Variants in CALN1 observed in about 807,000 individuals in gnomAD.
The protein encoded by CALN1 is calneuron 1.
A neutral mutation model predicts 30.6 loss-of-function variants in CALN1; 17 were observed. That is an observed-to-expected ratio of 0.56 (90% CI 0.38 to 0.83). CALN1 has a LOEUF of 0.83. Among genes scored for constraint, CALN1 ranks in the 40% least tolerant of loss-of-function variants. CALN1 has a pLI of 0.00. For synonymous variants in CALN1, 156 were observed against 131.4 expected, an observed-to-expected ratio of 1.19 and a Z score of -1.28; for missense variants, 291 against 354.9, an observed-to-expected ratio of 0.82 and a Z score of 1.45.
chr7:71,898,018 G>GGAGA (rs1178513997), intron 5 of CALN1, among the ~76,000 whole-genome samples: 14 of 80,948 alleles, frequency 1.7e-4, no homozygotes, highest in South Asian at 5.8e-4. Context: ...GGAGGGGGGG[G>GGAGA]GAGAGAGAGA....
intron 2 of CALN1, among the ~76,000 whole-genome samples, chr7:72,328,116 T>TAAA (rs74501253): frequency 2.7e-4 from 40 of 150,814 alleles, no homozygotes; most frequent in East Asian, 9.7e-4. Context: ...TTTCTTTTTT[T>TAAA]AAAAAAAAAA....
chr7:72,379,758 C>G (rs190594494), intron 2 of CALN1, among the ~76,000 whole-genome samples: 12 of 152,350 alleles, frequency 7.9e-5, no homozygotes, highest in Admixed American at 2.0e-4. Context: ...TTCTATCTGT[C>G]TAATCCATCC....
At chr7:72,402,774 G>C (rs1168062396) in intron 2 of CALN1, among the ~76,000 whole-genome samples, 1 of 152,174 alleles carries the variant, frequency 6.6e-6, no homozygotes, top group African/African-American at 2.4e-5. Flanking sequence ...GTGGGGGATG[G>C]GGTGAGATTC....
intron 2 of CALN1, among the ~76,000 whole-genome samples, chr7:72,302,019 A>AG (rs1360868631): frequency 1.3e-5 from 2 of 152,268 alleles, no homozygotes; most frequent in East Asian, 3.9e-4. Flanking sequence ...GTAATGCTTC[A>AG]GGGAGAGCTG....
chr7:72,011,734 G>A (rs975813434), intron 5 of CALN1, among the ~76,000 whole-genome samples: 1 of 152,122 alleles, frequency 6.6e-6, no homozygotes, highest in Non-Finnish European at 1.5e-5. Flanking sequence ...GGAGTGCAGT[G>A]GCACGATCCT....
chr7:72,472,095 C>T, the CALN1 span, among the ~76,000 whole-genome samples: 1 of 152,164 alleles, frequency 6.6e-6, no homozygotes, highest in African/African-American at 2.4e-5. Context: ...TGCGCCCAGC[C>T]AAGGAGGTCC....
intron 3 of CALN1, among the ~76,000 whole-genome samples, chr7:72,181,112 A>C (rs1585106713): frequency 6.3e-5 from 3 of 47,614 alleles, no homozygotes; most frequent in Admixed American, 4.4e-4. Flanking sequence ...CCCCCCCCCA[A>C]AAAAAAAAAA....
chr7:72,443,762 T>A (rs979452358), intron 1 of CALN1, among the ~76,000 whole-genome samples: 16 of 151,944 alleles, frequency 1.1e-4, no homozygotes, highest in Admixed American at 8.5e-4. Context: ...CTCACGTGGG[T>A]TCCTCCAACC....
chr7:72,012,861 T>A (rs558144441), intron 5 of CALN1, among the ~76,000 whole-genome samples: 1 of 152,298 alleles, frequency 6.6e-6, no homozygotes, highest in African/African-American at 2.4e-5. Context: ...AAGGGCGTGA[T>A]CTTGGCTCAC....
intron 4 of CALN1, among the ~76,000 whole-genome samples, chr7:72,034,940 G>C (rs967007934): frequency 1.4e-4 from 21 of 151,770 alleles, no homozygotes; most frequent in African/African-American, 5.1e-4. Flanking sequence ...GGGAGGTCAA[G>C]GAGAATATAT....
intron 5 of CALN1, among the ~76,000 whole-genome samples, chr7:71,949,918 C>T (rs12699118): frequency 6.6e-6 from 1 of 151,642 alleles, no homozygotes; most frequent in East Asian, 2.0e-4. Context: ...CCTGCCACTA[C>T]GCCTGGCTAA....
At chr7:71,970,275 A>T (rs1797730380) in intron 5 of CALN1, among the ~76,000 whole-genome samples, 1 of 152,150 alleles carries the variant, frequency 6.6e-6, no homozygotes, top group South Asian at 2.1e-4. Context: ...ATCTCCTATA[A>T]AGATTCATTT....
chr7:72,492,824 T>TGCTG, the CALN1 span, among the ~76,000 whole-genome samples: 3 of 152,230 alleles, frequency 2.0e-5, no homozygotes, highest in Non-Finnish European at 4.4e-5. Flanking sequence ...AATGCATCCC[T>TGCTG]GCTGGCACAT....
At chr7:71,903,990 T>C (rs767785138) in intron 5 of CALN1, among the ~76,000 whole-genome samples, 23 of 152,096 alleles carry the variant, frequency 1.5e-4, no homozygotes, top group Non-Finnish European at 3.1e-4. Context: ...AAATCAAAAC[T>C]GTAATGAGAT....
chr7:71,948,730 C>CAA (rs538358463), intron 5 of CALN1, among the ~76,000 whole-genome samples: 20 of 73,852 alleles, frequency 2.7e-4, no homozygotes, highest in Admixed American at 3.2e-4. Context: ...GACTCTGTCT[C>CAA]AAAAAAAAAA....
chr7:71,876,737 T>A (rs1438823299), intron 5 of CALN1, among the ~76,000 whole-genome samples: 1 of 152,170 alleles, frequency 6.6e-6, no homozygotes, highest in African/African-American at 2.4e-5. Flanking sequence ...GTTCAATAAA[T>A]GCTAGCCATT....
chr7:72,477,610 CG>C, the CALN1 span, among the ~76,000 whole-genome samples: 2 of 151,928 alleles, frequency 1.3e-5, no homozygotes, highest in African/African-American at 2.4e-5. Flanking sequence ...TTTGTAGAAA[CG>C]GGGTCTTGCT....
intron 5 of CALN1, among the ~76,000 whole-genome samples, chr7:71,973,304 T>C (rs975373347): frequency 6.6e-6 from 1 of 152,124 alleles, no homozygotes; most frequent in Non-Finnish European, 1.5e-5. Flanking sequence ...GCCTCCCAAG[T>C]AGCTGGGATT....
chr7:72,176,731 A>G (rs1222153519), intron 3 of CALN1, among the ~76,000 whole-genome samples: 1 of 152,122 alleles, frequency 6.6e-6, no homozygotes, highest in Non-Finnish European at 1.5e-5. Flanking sequence ...ACAGCCTACT[A>G]CAGCATAGGA....
Sources: allele counts gnomAD v4.1 joint callset (sites outside exome capture counted in the v4.1 genomes callset), GRCh38; gene constraint gnomAD v4.1.1; transcripts MANE v1.5; gene names NCBI Gene and HGNC (gene_info 2026-07-23, HGNC 2026-07-21).